DMRT1: variants seen among roughly 807,000 people sequenced by gnomAD.
DMRT1 encodes doublesex- and mab-3-related transcription factor 1.
In DMRT1, 7 loss-of-function variants were observed where a neutral mutation model predicts 32.3. That is an observed-to-expected ratio of 0.22 (90% CI 0.12 to 0.41). The LOEUF (loss-of-function observed/expected upper bound fraction) is 0.41, where lower values mean the gene tolerates loss of function less well. Among genes scored for constraint, DMRT1 ranks in the 10% least tolerant of loss-of-function variants. The pLI is 1.00. For synonymous variants in DMRT1, 278 were observed against 206.1 expected, an observed-to-expected ratio of 1.35 and a Z score of -2.99; for missense variants, 625 against 500.5, an observed-to-expected ratio of 1.25 and a Z score of -2.37.
chr9:897,090 ATATTATTATTATTATTAT>A (rs35331172), intron 3 of DMRT1, among the ~76,000 whole-genome samples: 5 of 141,172 alleles, frequency 3.5e-5, no homozygotes, highest in East Asian at 4.2e-4. Flanking sequence ...TTTTGGAATC[ATATTATTATTATTATTAT>A]TATTATTATT....
chr9:847,967 A>G (rs1208170000), intron 2 of DMRT1, among the ~76,000 whole-genome samples: 1 of 152,248 alleles, frequency 6.6e-6, no homozygotes, highest in Non-Finnish European at 1.5e-5. Flanking sequence ...TCTCTTAGAA[A>G]GTCTAATTCG....
chr9:956,727 T>G (rs1178439963), intron 4 of DMRT1, among the ~76,000 whole-genome samples: 2 of 152,182 alleles, frequency 1.3e-5, no homozygotes, highest in Non-Finnish European at 2.9e-5. Flanking sequence ...AAGAAATAAT[T>G]AAATAAAAAT....
At chr9:934,530 C>G (rs1359161352) in intron 4 of DMRT1, among the ~76,000 whole-genome samples, 4 of 152,054 alleles carry the variant, frequency 2.6e-5, no homozygotes, top group Non-Finnish European at 2.9e-5. Flanking sequence ...GACCCTGTCT[C>G]AAAAATTAAA....
intron 4 of DMRT1, among the ~76,000 whole-genome samples, chr9:932,175 T>G (rs1456540972): frequency 6.6e-6 from 1 of 152,226 alleles, no homozygotes; most frequent in East Asian, 1.9e-4. Flanking sequence ...GAATTTCATT[T>G]CATTTCATTT....
At chr9:879,301 A>G (rs1357652577) in intron 2 of DMRT1, among the ~76,000 whole-genome samples, 1 of 152,224 alleles carries the variant, frequency 6.6e-6, no homozygotes, top group Non-Finnish European at 1.5e-5. Context: ...AGAAATGAAA[A>G]AAAAATTATG....
chr9:846,202 G>T (rs1838897229), intron 1 of DMRT1, among the ~76,000 whole-genome samples: 1 of 151,824 alleles, frequency 6.6e-6, no homozygotes, highest in Non-Finnish European at 1.5e-5. Flanking sequence ...GCTAATTTTT[G>T]TATTTTTTTT....
intron 2 of DMRT1, among the ~76,000 whole-genome samples, chr9:883,604 A>C (rs1445223765): frequency 6.6e-6 from 1 of 151,492 alleles, no homozygotes; most frequent in East Asian, 1.9e-4. Flanking sequence ...CAGCCTGGGC[A>C]ACATAGCCTG....
intron 3 of DMRT1, among the ~76,000 whole-genome samples, chr9:907,759 T>A (rs1817827976): frequency 6.6e-6 from 1 of 152,156 alleles, no homozygotes; most frequent in East Asian, 1.9e-4. Flanking sequence ...TTATATACAG[T>A]TCTCTTTTAT....
Position 938,738 on chromosome 9 carries a change from T to C in DMRT1, c.967+21831T>C, listed in dbSNP as rs192590900. ...CTTTCCAATTTGGGTGCTTTATTTCTAGTCTATTTGCTCTGACTAGAATTT... is the reference window on the plus strand; with the variant it reads ...CTTTCCAATTTGGGTGCTTTATTTCCAGTCTATTTGCTCTGACTAGAATTT... On this transcript the variant is annotated intron_variant, in intron 4 of 4. Coordinates refer to ENST00000382276, the MANE Select transcript of DMRT1 (RefSeq NM_021951.3). Among the ~76,000 whole-genome samples, 202 of 152,370 alleles carry C rather than the reference T, an allele frequency of 1.3e-3. 1 individual carries two copies. Among genetic ancestry groups the C allele is most frequent in the African/African-American group, 4.8e-3 (198 of 41,576 alleles).
chr9:914,867 C>G (rs1389072332), intron 3 of DMRT1, among the ~76,000 whole-genome samples: 3 of 152,168 alleles, frequency 2.0e-5, no homozygotes, highest in African/African-American at 4.8e-5. Context: ...AGGGACTTAG[C>G]TCTTTCTACC....
At chr9:909,582 A>G (rs1817899560) in intron 3 of DMRT1, among the ~76,000 whole-genome samples, 1 of 152,220 alleles carries the variant, frequency 6.6e-6, no homozygotes, top group Admixed American at 6.5e-5. Context: ...CAGAAGACCC[A>G]GAATTCTACA....
At chr9:842,480 C>T (rs1056057041) in intron 1 of DMRT1, 2 of 407,910 alleles carry the variant, frequency 4.9e-6, no homozygotes, top group African/African-American at 4.3e-5. Context: ...AGGTGATCCA[C>T]CCGCCTCGGC....
Position 847,203 on chromosome 9 carries a change from C to T in DMRT1, c.538+60C>T. The T allele has an allele frequency of 1.9e-6, 3 of 1,561,164 alleles. No individual in the cohort carries two copies. The East Asian group carries it at 6.8e-5, about 35-fold the overall frequency. ...GGGCATGAGGGAGGCCGAAGGGTTG[C>T]AGCCACAGAAGCAGGGCTCCCCTGA... On this transcript the variant is annotated intron_variant, in intron 2 of 4. Transcript: ENST00000382276.
chr9:861,834 C>T (rs1413052304), intron 2 of DMRT1, among the ~76,000 whole-genome samples: 3 of 147,532 alleles, frequency 2.0e-5, no homozygotes, highest in East Asian at 2.0e-4. Context: ...ACGGGGCGGC[C>T]GGTCAGAGAC....
At chr9:848,256 A>C (rs1228673671) in intron 2 of DMRT1, among the ~76,000 whole-genome samples, 1 of 152,198 alleles carries the variant, frequency 6.6e-6, no homozygotes, top group African/African-American at 2.4e-5. Flanking sequence ...GAAGTTACTT[A>C]AGCTCCCTGG....
At chr9:894,659 C>T (rs1487014580) in intron 3 of DMRT1, 1 of 262,738 alleles carries the variant, frequency 3.8e-6, no homozygotes, top group East Asian at 9.4e-5. Flanking sequence ...TGAATTTGCA[C>T]CTTGGGAAGG....
intron 3 of DMRT1, among the ~76,000 whole-genome samples, chr9:896,426 G>C (rs980194850): frequency 1.3e-5 from 2 of 151,076 alleles, no homozygotes; most frequent in Non-Finnish European, 2.9e-5. Flanking sequence ...TTATAGGCAC[G>C]CACCACCACT....
chr9:860,574 C>G (rs1049595849), intron 2 of DMRT1, among the ~76,000 whole-genome samples: 1 of 152,110 alleles, frequency 6.6e-6, no homozygotes, highest in African/African-American at 2.4e-5. Context: ...GCATATATCT[C>G]TCACATGGAC....
chr9:889,030 G>C (rs1397216233), intron 2 of DMRT1, among the ~76,000 whole-genome samples: 2 of 151,890 alleles, frequency 1.3e-5, no homozygotes, highest in African/African-American at 4.8e-5. Flanking sequence ...CCATTCTCGG[G>C]GTGTATGATT....
Sources: gnomAD v4.1 joint callset for allele counts (sites outside exome capture counted in the v4.1 genomes callset) on GRCh38, gnomAD v4.1.1 for gene constraint, MANE v1.5 for transcripts, NCBI Gene and HGNC (gene_info 2026-07-23, HGNC 2026-07-21) for gene names.